The following OTOGL variants were observed in gnomAD, a reference collection of about 807,000 sequenced individuals.
OTOGL encodes otogelin-like protein.
Under a neutral mutation model 318.5 loss-of-function variants are expected in OTOGL, and 285 were observed. That is an observed-to-expected ratio of 0.89 (90% CI 0.81 to 0.99). OTOGL has a LOEUF of 0.99. OTOGL is among the 50% of genes least tolerant of loss of function. The pLI, the probability that OTOGL is intolerant of heterozygous loss-of-function variation, is 0.00. For synonymous variants in OTOGL, 987 were observed against 936.5 expected, an observed-to-expected ratio of 1.05 and a Z score of -0.99; for missense variants, 2,899 against 2,845.6, an observed-to-expected ratio of 1.02 and a Z score of -0.43.
chr12:80,344,251 C>T (rs1350192243), intron 44 of OTOGL, among the ~76,000 whole-genome samples: 3 of 152,114 alleles, frequency 2.0e-5, no homozygotes, highest in South Asian at 2.1e-4. Flanking sequence ...TTTAAAATTG[C>T]GTTTTTAACT....
At chr12:80,293,016 A>G (rs1377448858) in intron 26 of OTOGL, among the ~76,000 whole-genome samples, 1 of 152,224 alleles carries the variant, frequency 6.6e-6, no homozygotes, top group African/African-American at 2.4e-5. Flanking sequence ...AAAACACTTG[A>G]TATTGCAAAA....
At chr12:80,159,015 T>A (rs1229318382) in intron 1 of OTOGL, among the ~76,000 whole-genome samples, 1 of 152,060 alleles carries the variant, frequency 6.6e-6, no homozygotes, top group Non-Finnish European at 1.5e-5. Context: ...TCTTTTATGC[T>A]GATTTTGCTG....
At chr12:80,307,044 C>T (rs887927350) in intron 29 of OTOGL, among the ~76,000 whole-genome samples, 4 of 149,364 alleles carry the variant, frequency 2.7e-5, no homozygotes, top group African/African-American at 1.0e-4. Flanking sequence ...ATCTGTTTAA[C>T]AAAGCACATC....
chr12:80,348,196 C>T (rs1037701105), intron 44 of OTOGL, among the ~76,000 whole-genome samples: 7 of 152,024 alleles, frequency 4.6e-5, no homozygotes, highest in African/African-American at 1.4e-4. Context: ...AGTCTTTGCC[C>T]ATGACTGTCC....
chr12:80,125,458 T>C (rs1174887372), intron 1 of OTOGL, among the ~76,000 whole-genome samples: 1 of 152,176 alleles, frequency 6.6e-6, no homozygotes, highest in African/African-American at 2.4e-5. Context: ...TATTGAGGAT[T>C]TTTGCATCGA....
chr12:80,345,319 T>G (rs2137965884), intron 44 of OTOGL, among the ~76,000 whole-genome samples: 1 of 148,314 alleles, frequency 6.7e-6, no homozygotes, highest in South Asian at 2.1e-4. Flanking sequence ...CACTGAAGCC[T>G]CCACCTCTCA....
At chr12:80,116,297 G>C in intron 1 of OTOGL, among the ~76,000 whole-genome samples, 1 of 151,984 alleles carries the variant, frequency 6.6e-6, no homozygotes, top group East Asian at 1.9e-4. Flanking sequence ...CCCTTGGATA[G>C]GGGAGAGAGT....
intron 6 of OTOGL, among the ~76,000 whole-genome samples, chr12:80,221,435 AT>A (rs1878325484): frequency 6.6e-6 from 1 of 151,780 alleles, no homozygotes; most frequent in African/African-American, 2.4e-5. Flanking sequence ...ATGCTGGCTA[AT>A]TTTTTGTATT....
chr12:80,203,197 G>A (rs1876578619), intron 1 of OTOGL, among the ~76,000 whole-genome samples: 1 of 152,152 alleles, frequency 6.6e-6, no homozygotes, highest in African/African-American at 2.4e-5. Flanking sequence ...GCTGAAATAG[G>A]TTTCACTGGG....
intron 1 of OTOGL, among the ~76,000 whole-genome samples, chr12:80,126,527 G>A (rs1056491816): frequency 1.3e-5 from 2 of 152,178 alleles, no homozygotes; most frequent in African/African-American, 4.8e-5. Flanking sequence ...TTGATTTGGG[G>A]TGGAGAGTTC....
intron 11 of OTOGL, among the ~76,000 whole-genome samples, chr12:80,250,632 GTT>G (rs142575760): frequency 0.016 from 2,459 of 151,762 alleles, 66 homozygotes; most frequent in African/African-American, 0.057. Context: ...TCCTTTTTTC[GTT>G]CTAAAGTTCA....
At chr12:80,311,654 A>G (rs1045365736) in intron 30 of OTOGL, among the ~76,000 whole-genome samples, 3 of 152,086 alleles carry the variant, frequency 2.0e-5, no homozygotes, top group African/African-American at 4.8e-5. Flanking sequence ...TGATCTGCCC[A>G]CCTCTGCCTC....
chr12:80,354,651 A>G (rs999792460), intron 46 of OTOGL, among the ~76,000 whole-genome samples: 2 of 152,176 alleles, frequency 1.3e-5, no homozygotes, highest in Non-Finnish European at 2.9e-5. Flanking sequence ...AAATGCATAT[A>G]TAGTTTCAGA....
chr12:80,127,368 C>T (rs1473913362), intron 1 of OTOGL, among the ~76,000 whole-genome samples: 1 of 152,168 alleles, frequency 6.6e-6, no homozygotes, highest in East Asian at 1.9e-4. Context: ...TGAATATTGG[C>T]CCCCACTCTC....
rs758209981 is a variant in OTOGL, at chr12:80,378,018, A to G, written c.7032A>G (p.Glu2344=). 9.4e-6 allele frequency: 15 copies of G among 1,588,784 alleles called. No homozygotes were observed. Among genetic ancestry groups the G allele is most frequent in the Non-Finnish European group, 1.2e-5 (14 of 1,164,990 alleles). Residue 2344 remains glutamate, a synonymous_variant, in exon 59 of 59, where the codon GAA becomes GAG. Coordinates refer to ENST00000547103, the MANE Select transcript of OTOGL (RefSeq NM_001378609.3). ...NGTEIMYTLQ[E]PIDCTCQWN ...CTGAAATTATGTACACTCTCCAGGA[A>G]CCCATAGACTGTACGTGCCAGTGGA...
intron 23 of OTOGL, among the ~76,000 whole-genome samples, chr12:80,270,461 T>G (rs922210857): frequency 2.0e-5 from 3 of 152,168 alleles, no homozygotes; most frequent in African/African-American, 7.2e-5. Context: ...GATATGTATC[T>G]AGGCAAGTGT....
intron 27 of OTOGL, among the ~76,000 whole-genome samples, chr12:80,297,801 G>T (rs1243520083): frequency 6.6e-6 from 1 of 152,184 alleles, no homozygotes. Flanking sequence ...AGAAGGTGGA[G>T]CATCTTATTA....
intron 32 of OTOGL, among the ~76,000 whole-genome samples, chr12:80,317,570 C>A (rs1887052106): frequency 1.3e-5 from 2 of 152,126 alleles, no homozygotes; most frequent in Non-Finnish European, 2.9e-5. Context: ...CTTCTCCATT[C>A]TGAATTGTAT....
intron 1 of OTOGL, among the ~76,000 whole-genome samples, chr12:80,130,244 G>A (rs1871154915): frequency 6.6e-6 from 1 of 152,182 alleles, no homozygotes; most frequent in East Asian, 1.9e-4. Context: ...AGTTGGGAAT[G>A]CATCTCTTCT....
Sources: gnomAD v4.1 joint callset for allele counts (sites outside exome capture counted in the v4.1 genomes callset) on GRCh38, gnomAD v4.1.1 for gene constraint, MANE v1.5 for transcripts, NCBI Gene and HGNC (gene_info 2026-07-23, HGNC 2026-07-21) for gene names.